Variants in DTWD2 observed in about 807,000 individuals in gnomAD.
DTWD2 encodes tRNA-uridine aminocarboxypropyltransferase 2.
DTWD2 carries 39 observed loss-of-function variants against 31.8 expected under a neutral mutation model. The observed-to-expected ratio is 1.22, with a 90% CI of 0.95 to 1.60. DTWD2 has a LOEUF of 1.60. Ranked by LOEUF, DTWD2 falls within the 40% of genes most tolerant of loss-of-function variation. The probability of loss-of-function intolerance (pLI) is 0.00; values close to 1 mark genes in which losing one functional copy is unlikely to be tolerated. For synonymous variants in DTWD2, 180 were observed against 142.8 expected (o/e 1.26, Z -1.86); for missense variants, 515 against 381.5 (o/e 1.35, Z -2.92).
intron 1 of DTWD2, among the ~76,000 whole-genome samples, chr5:118,964,030 T>G (rs1413329126): frequency 1.3e-5 from 2 of 151,958 alleles, no homozygotes. Context: ...GCCAACATGG[T>G]AAAACCTCAT....
At chr5:118,910,749 G>A (rs1753440880) in intron 4 of DTWD2, among the ~76,000 whole-genome samples, 1 of 152,054 alleles carries the variant, frequency 6.6e-6, no homozygotes, top group African/African-American at 2.4e-5. Context: ...CCTTAGGCTG[G>A]GTAATTAAAC....
At chr5:118,984,460 CAAAA>C (rs955298520) in intron 1 of DTWD2, among the ~76,000 whole-genome samples, 1 of 74,608 alleles carries the variant, frequency 1.3e-5, no homozygotes, top group Non-Finnish European at 2.9e-5. Flanking sequence ...GACTCCGTTT[CAAAA>C]AAAAAAAAAA....
At chr5:118,892,110 C>T (rs1184735429) in intron 4 of DTWD2, among the ~76,000 whole-genome samples, 1 of 151,942 alleles carries the variant, frequency 6.6e-6, no homozygotes, top group East Asian at 1.9e-4. Flanking sequence ...TTTTATTTTT[C>T]TTTTCCAAAT....
chr5:118,954,537 C>T (rs1168367301), intron 1 of DTWD2, among the ~76,000 whole-genome samples: 3 of 152,062 alleles, frequency 2.0e-5, no homozygotes, highest in Middle Eastern at 3.4e-3. Flanking sequence ...TTTTTTGAGA[C>T]AGGTGTCACT....
intron 1 of DTWD2, among the ~76,000 whole-genome samples, chr5:118,945,386 G>T (rs1436634248): frequency 1.3e-5 from 2 of 152,078 alleles, no homozygotes; most frequent in East Asian, 1.9e-4. Flanking sequence ...CCAATGACTG[G>T]TTTTTTATGT....
chr5:118,841,143 T>C lies in DTWD2; in HGVS notation c.727-56A>G. On this transcript the variant is annotated intron_variant, in intron 5 of 5. Coordinates refer to ENST00000510708, the MANE Select transcript of DTWD2 (RefSeq NM_173666.4). ...ATCTGTGACAAATCATGATATTCTA[T>C]CTATATTTTTCATTCAGAAATAGGA... 5 of 1,538,478 alleles carry C rather than the reference T, an allele frequency of 3.2e-6. No homozygotes were observed. In the South Asian group the frequency reaches 6.2e-5, roughly 19 times the overall value.
intron 4 of DTWD2, among the ~76,000 whole-genome samples, chr5:118,884,996 C>CAAAAAAAAAAAAAAAA (rs36042211): frequency 2.0e-5 from 1 of 49,750 alleles, no homozygotes; most frequent in African/African-American, 8.3e-5. Context: ...ACTCCATCTC[C>CAAAAAAAAAAAAAAAA]AAAAAAAAAA....
intron 1 of DTWD2, among the ~76,000 whole-genome samples, chr5:118,948,439 C>A (rs1302090208): frequency 6.6e-6 from 1 of 152,112 alleles, no homozygotes; most frequent in Admixed American, 6.6e-5. Flanking sequence ...CGAGATCATG[C>A]CACTGCACTC....
At position 118,945,261 on chromosome 5, in the gene DTWD2, T is replaced by G. The variant is rs181159745; in HGVS notation, c.219-612A>C. On this transcript the variant is annotated intron_variant, in intron 1 of 5. Coordinates refer to ENST00000510708, the MANE Select transcript of DTWD2 (RefSeq NM_173666.4). ...CATTTTTATTTTACTTACATTTTAG[T>G]GCTTTACTACTGTTTAGGTAACTCT... Among the ~76,000 whole-genome samples the G allele has an allele frequency of 3.3e-5, 5 of 152,276 alleles. No individual in the cohort carries two copies. In the East Asian group the frequency reaches 9.7e-4, roughly 29 times the overall value.
intron 3 of DTWD2, among the ~76,000 whole-genome samples, chr5:118,935,152 C>G (rs1393573146): frequency 1.3e-5 from 2 of 152,164 alleles, no homozygotes; most frequent in East Asian, 3.8e-4. Context: ...GAGAGCTGAA[C>G]ATGTGGCCAT....
chr5:118,848,513 G>C (rs1751913947), intron 4 of DTWD2, among the ~76,000 whole-genome samples: 1 of 151,910 alleles, frequency 6.6e-6, no homozygotes, highest in African/African-American at 2.4e-5. Context: ...ATGGCAAATA[G>C]GTACACAAAA....
At chr5:118,938,451 C>G (rs181091147) in intron 3 of DTWD2, among the ~76,000 whole-genome samples, 1 of 152,084 alleles carries the variant, frequency 6.6e-6, no homozygotes, top group Non-Finnish European at 1.5e-5. Flanking sequence ...AATCATTCCC[C>G]GATGATTTCA....
intron 4 of DTWD2, among the ~76,000 whole-genome samples, chr5:118,874,997 TCAGA>T (rs1403891741): frequency 6.6e-6 from 1 of 151,992 alleles, no homozygotes; most frequent in African/African-American, 2.4e-5. Context: ...GAGAAACCCA[TCAGA>T]CAGTGAACCT....
At chr5:118,891,617 T>C (rs749263647) in intron 4 of DTWD2, among the ~76,000 whole-genome samples, 4 of 152,224 alleles carry the variant, frequency 2.6e-5, no homozygotes, top group African/African-American at 9.6e-5. Flanking sequence ...TCTCATAACA[T>C]AGCTCACTAG....
intron 1 of DTWD2, among the ~76,000 whole-genome samples, chr5:118,986,633 T>G (rs959188139): frequency 2.0e-5 from 3 of 152,196 alleles, no homozygotes; most frequent in Non-Finnish European, 4.4e-5. Flanking sequence ...AGAACTCTAA[T>G]AGCATAATGA....
chr5:118,955,723 T>A (rs1754569562), intron 1 of DTWD2, among the ~76,000 whole-genome samples: 1 of 151,928 alleles, frequency 6.6e-6, no homozygotes, highest in Non-Finnish European at 1.5e-5. Context: ...TGAGCCCACT[T>A]TGAGGCTGTA....
chr5:118,892,092 G>A (rs550660006), intron 4 of DTWD2, among the ~76,000 whole-genome samples: 1 of 152,044 alleles, frequency 6.6e-6, no homozygotes. Flanking sequence ...CAGATTATTA[G>A]TAAGAGATTT....
chr5:118,900,368 T>C (rs1201727013), intron 4 of DTWD2, among the ~76,000 whole-genome samples: 2 of 152,202 alleles, frequency 1.3e-5, no homozygotes, highest in Non-Finnish European at 2.9e-5. Flanking sequence ...AAGCTACTTG[T>C]CATATAAACA....
chr5:118,934,840 A>G (rs1386966564), intron 3 of DTWD2, among the ~76,000 whole-genome samples: 1 of 152,206 alleles, frequency 6.6e-6, no homozygotes, highest in East Asian at 1.9e-4. Flanking sequence ...GCACCCACAC[A>G]TAGTAGACTT....
Sources: allele counts gnomAD v4.1 joint callset (sites outside exome capture counted in the v4.1 genomes callset), GRCh38; gene constraint gnomAD v4.1.1; transcripts MANE v1.5; gene names NCBI Gene and HGNC (gene_info 2026-07-23, HGNC 2026-07-21).